The following ASAP3 variants were observed in gnomAD, a reference collection of about 807,000 sequenced individuals.
ASAP3 encodes the protein ArfGAP with SH3 domain, ankyrin repeat and PH domain 3, also known as arf-GAP with SH3 domain, ANK repeat and PH domain-containing protein 3.
In ASAP3, 85 loss-of-function variants were observed where a neutral mutation model predicts 118.2. That is an observed-to-expected ratio of 0.72 (90% CI 0.60 to 0.86). The LOEUF (loss-of-function observed/expected upper bound fraction) is 0.86. Ranked by LOEUF, ASAP3 falls within the 40% of genes least tolerant of loss-of-function variation. The pLI is 0.00. For synonymous variants in ASAP3, 432 were observed against 477.4 expected (o/e 0.90, Z 1.24); for missense variants, 1,026 against 1,175.0 (o/e 0.87, Z 1.85).
intron 1 of ASAP3, 31 bp downstream of exon 1, chr1:23,483,974 C>T: frequency 7.9e-7 from 1 of 1,265,074 alleles, no homozygotes; most frequent in South Asian, 2.7e-5. Context: ...CCGGCGCCGA[C>T]CCCCGACCCC....
chr1:23,437,260 C>T lies in ASAP3; in HGVS notation c.1212G>A (p.Glu404=). 5 of 1,594,350 alleles carry T rather than the reference C, an allele frequency of 3.1e-6. No individual in the cohort carries two copies. The highest frequency in any genetic ancestry group is 4.3e-6 in the Non-Finnish European group (5 of 1,170,628). ...CCCAGGACCCCGGGCCAGCGCTGGG[C>T]TCCCCGAGGAAGGCGCTGCTCAGGG... is the stretch of plus-strand genomic sequence containing the variant. ...DEALSSAFLG[E]PSAGPGSWGS... The change falls in exon 14 of 25, where the codon GAG becomes GAA. Residue 404 remains glutamate (E), a synonymous_variant. Transcript: ENST00000336689. The surrounding 1 kb of genome is among the most constrained non-coding windows in gnomAD (Gnocchi z 6.1).
intron 1 of ASAP3, among the ~76,000 whole-genome samples, chr1:23,482,698 C>T (rs1460305617): frequency 6.6e-6 from 1 of 152,104 alleles, no homozygotes; most frequent in Non-Finnish European, 1.5e-5. Flanking sequence ...CCTGTAATCC[C>T]AGCACTTTGG....
intron 1 of ASAP3, among the ~76,000 whole-genome samples, chr1:23,481,261 C>T (rs771241247): frequency 6.6e-6 from 1 of 152,230 alleles, no homozygotes; most frequent in African/African-American, 2.4e-5. Flanking sequence ...AAAAGGGCTG[C>T]GAGTCCCAGG....
chr1:23,450,676 GATTA>G (rs933528479), intron 5 of ASAP3, among the ~76,000 whole-genome samples: 1 of 151,564 alleles, frequency 6.6e-6, no homozygotes, highest in African/African-American at 2.4e-5. Context: ...TGCTAAGGAT[GATTA>G]ATTTTTTTTC....
chr1:23,484,267 C>G, upstream of ASAP3: 2 of 896,596 alleles, frequency 2.2e-6, no homozygotes, highest in Non-Finnish European at 2.9e-6. Context: ...CGCCCCGCCC[C>G]CGACCCTCCA....
Position 23,429,682 on chromosome 1 carries a change from G to A in ASAP3, c.*174C>T. 2 of 604,748 alleles carry A rather than the reference G, an allele frequency of 3.3e-6. No individual in the cohort carries two copies. The highest frequency in any genetic ancestry group is 2.1e-5 in the South Asian group (1 of 47,118). 37.5% of individuals were successfully genotyped at this position (604,748 alleles called of 1,614,324 possible). On this transcript the variant is annotated 3_prime_UTR_variant, in exon 25 of 25. Transcript: ENST00000336689. ...ATCAGTCCTAACAGGGAAAGGCCAT[G>A]TGTCCTTGGTAGAGGCATGGCCTGT...
At chr1:23,454,430 C>T (rs1641320128) in intron 3 of ASAP3, among the ~76,000 whole-genome samples, 1 of 152,188 alleles carries the variant, frequency 6.6e-6, no homozygotes, top group African/African-American at 2.4e-5. Flanking sequence ...AAGTGATCCG[C>T]CCACCTTGGC....
At position 23,436,028 on chromosome 1, in the gene ASAP3, C is replaced by G. The variant is rs1393152364; in HGVS notation, c.1572G>C (p.Met524Ile). 2 of 1,613,982 alleles carry G rather than the reference C, an allele frequency of 1.2e-6. No homozygotes were observed. The highest frequency in any genetic ancestry group is 3.3e-5 in the Admixed American group (2 of 60,024). ...GGPKPSAESDMGTRRDYIMAK... is the reference protein window; with the variant it reads ...GGPKPSAESDIGTRRDYIMAK... ...CCATAATGTAGTCCCTGCGGGTGCC[C>G]CTACCAAAAACAACCACAGGATCTC... Residue 524 changes from methionine to isoleucine, a missense_variant and splice_region_variant, in exon 17 of 25, where the codon ATG becomes ATC. Transcript: ENST00000336689. The surrounding 1 kb of genome is among the most constrained non-coding windows in gnomAD (Gnocchi z 4.2).
Position 23,484,087 on chromosome 1 carries a change from T to C in ASAP3, c.47A>G (p.Glu16Gly). Residue 16 changes from glutamate to glycine, a missense_variant, in exon 1 of 25, where the codon GAG (glutamate) becomes GGG (glycine). By Grantham distance (98) the Glu-to-Gly change is moderately conservative. Coordinates refer to ENST00000336689, the MANE Select transcript of ASAP3 (RefSeq NM_017707.4). ...GGCCCCAGCCGGGGAGCTGAGGTCC[T>C]CCGCGGTGACGGCCAGGAACTCGGC... is the stretch of plus-strand genomic sequence containing the variant. ...SVAEFLAVTA[E>G]DLSSPAGAAA... 2 of 1,346,376 alleles carry C rather than the reference T, an allele frequency of 1.5e-6. No individual in the cohort carries two copies. Among genetic ancestry groups the C allele is most frequent in the Non-Finnish European group, 1.9e-6 (2 of 1,050,784 alleles). 83.4% of individuals were successfully genotyped at this position (1,346,376 alleles called of 1,614,324 possible).
chr1:23,484,199 C>A (rs895375920), upstream of ASAP3: 3 of 1,210,394 alleles, frequency 2.5e-6, no homozygotes, highest in Middle Eastern at 3.2e-4. Flanking sequence ...CGCGCTGAGC[C>A]GGCCTCACCG....
chr1:23,431,263 A>C (rs982791365), intron 23 of ASAP3, 138 bp from the exon 24 acceptor site: 2 of 815,266 alleles, frequency 2.5e-6, no homozygotes, highest in Admixed American at 2.5e-5. Context: ...GGCCAGGTCC[A>C]TCACAGGCCC....
chr1:23,439,138 C>A, intron 11 of ASAP3, 23 bp downstream of exon 11: 1 of 1,613,292 alleles, frequency 6.2e-7, no homozygotes, highest in Non-Finnish European at 8.5e-7. Context: ...TGCCCTGAGA[C>A]TCCCACCACC....
chr1:23,436,888 TCCAGGCCCCGCC>T lies in ASAP3; in HGVS notation c.1476+11_1476+22del. On this transcript the variant is annotated intron_variant, in intron 15 of 24. Coordinates refer to ENST00000336689, the MANE Select transcript of ASAP3 (RefSeq NM_017707.4). This position sits in a 1 kb window ranked among gnomAD's most constrained non-coding sequence, Gnocchi z 4.2. ...ACCCCTAACTCCGCTTCTGGCCCCT[TCCAGGCCCCGCC>T]CCGCCCTCACCAACAACTCGGAGGG... The T allele has an allele frequency of 6.2e-7, 1 of 1,605,004 alleles. No individual in the cohort carries two copies. Among genetic ancestry groups the T allele is most frequent in the Admixed American group, 1.7e-5 (1 of 59,346 alleles).
Position 23,433,398 on chromosome 1 carries a change from G to A in ASAP3, c.2127+27C>T, listed in dbSNP as rs753608374. ...TGGCTCTTTCCTTCTGCCATCCAGA[G>A]GCCTGAGGGACAGGGCTGGGACCCA... On this transcript the variant is annotated intron_variant, in intron 21 of 24. Coordinates refer to ENST00000336689, the MANE Select transcript of ASAP3 (RefSeq NM_017707.4). 4 of 1,614,044 alleles carry A rather than the reference G, an allele frequency of 2.5e-6. No individual in the cohort carries two copies. In the African/African-American group the frequency reaches 4.0e-5, roughly 16 times the overall value.
At chr1:23,468,600 C>T (rs1009534915) in intron 1 of ASAP3, among the ~76,000 whole-genome samples, 3 of 151,938 alleles carry the variant, frequency 2.0e-5, no homozygotes, top group Non-Finnish European at 4.4e-5. Context: ...TGGCAGGGTG[C>T]GGTGGCTCAC....
intron 1 of ASAP3, among the ~76,000 whole-genome samples, chr1:23,471,977 G>C (rs533358220): frequency 6.6e-6 from 1 of 152,282 alleles, no homozygotes; most frequent in South Asian, 2.1e-4. Flanking sequence ...CTGTGCAACT[G>C]AAAGAGATCA....
chr1:23,483,941 G>A (rs1642399419), intron 1 of ASAP3, 64 bp downstream of exon 1: 3 of 1,235,398 alleles, frequency 2.4e-6, no homozygotes, highest in Non-Finnish European at 2.0e-6. Context: ...GGTGCGACAC[G>A]CCTGTGGAGG....
chr1:23,460,433 GGAGGC>G (rs1641544632), intron 1 of ASAP3, among the ~76,000 whole-genome samples: 1 of 148,836 alleles, frequency 6.7e-6, no homozygotes, highest in Non-Finnish European at 1.5e-5. Flanking sequence ...TTTGAACCTA[GGAGGC>G]GGAGGTTGCA....
intron 4 of ASAP3, among the ~76,000 whole-genome samples, chr1:23,452,115 A>G (rs1207404691): frequency 6.6e-6 from 1 of 152,014 alleles, no homozygotes; most frequent in Non-Finnish European, 1.5e-5. Context: ...GAGACTCCCA[A>G]GGTGAAAAAG....
Sources: gnomAD v4.1 joint callset for allele counts (sites outside exome capture counted in the v4.1 genomes callset) on GRCh38, gnomAD v4.1.1 for gene constraint, Gnocchi (gnomAD v3.1) non-coding constraint, MANE v1.5 for transcripts, NCBI Gene and HGNC (gene_info 2026-07-23, HGNC 2026-07-21) for gene names.